SYNE1: variants seen among roughly 807,000 people sequenced by gnomAD.
SYNE1 encodes spectrin repeat containing nuclear envelope protein 1, also known as nesprin-1.
SYNE1 carries 616 observed loss-of-function variants against 1,111.0 expected under a neutral mutation model. The observed-to-expected ratio is 0.55, with a 90% confidence interval of 0.52 to 0.59. The LOEUF (loss-of-function observed/expected upper bound fraction) is 0.59. Among genes scored for constraint, SYNE1 ranks in the 20% least tolerant of loss-of-function variants. The pLI is 0.00. For synonymous variants in SYNE1, 3,855 were observed against 3,825.8 expected (o/e 1.01, Z -0.28); for missense variants, 10,006 against 10,417.0 (o/e 0.96, Z 1.72).
chr6:152,247,440 C>G (rs2087516000), intron 105 of SYNE1, among the ~76,000 whole-genome samples: 1 of 151,948 alleles, frequency 6.6e-6, no homozygotes, highest in Non-Finnish European at 1.5e-5. Context: ...AAATCCAAAG[C>G]AAGACATCAC....
chr6:152,441,049 T>C, intron 32 of SYNE1, 81 bp downstream of exon 32: 5 of 1,514,332 alleles, frequency 3.3e-6, no homozygotes, highest in East Asian at 2.3e-5. Flanking sequence ...TAACAATTAA[T>C]AGTAATAATG....
At chr6:152,492,153 T>C (rs998974237) in intron 11 of SYNE1, among the ~76,000 whole-genome samples, 1 of 152,190 alleles carries the variant, frequency 6.6e-6, no homozygotes, top group African/African-American at 2.4e-5. Context: ...CAACAACCCT[T>C]AGATGCTTTG....
At position 152,470,214 on chromosome 6, in the gene SYNE1, G is replaced by A. The variant is rs551231900; in HGVS notation, c.1632+1383C>T. Among the ~76,000 whole-genome samples the A allele has an allele frequency of 2.0e-5, 3 of 152,208 alleles. No homozygotes were observed. The South Asian group carries it at 6.2e-4, about 32-fold the overall frequency. ...AATTGTTTATTCACATATCATTTGA[G>A]AAAAAGAGAATTATTAATATCATTG... On this transcript the variant is annotated intron_variant, in intron 16 of 145. Transcript: ENST00000367255.
chr6:152,295,196 A>G (rs2094810080), intron 93 of SYNE1, among the ~76,000 whole-genome samples: 1 of 152,208 alleles, frequency 6.6e-6, no homozygotes, highest in Non-Finnish European at 1.5e-5. Flanking sequence ...CATTGGTCCA[A>G]TCTTGGGTGG....
chr6:152,390,228 T>C (rs2097586167), intron 53 of SYNE1, 52 bp downstream of exon 53: 1 of 1,604,868 alleles, frequency 6.2e-7, no homozygotes, highest in African/African-American at 1.3e-5. Flanking sequence ...CTCCATCATT[T>C]TACTAAGTCA....
In SYNE1 at chr6:152,208,288, A is replaced by G. The variant is rs930045185; in HGVS notation, c.22590-82T>C. 6 of 1,256,762 alleles carry G rather than the reference A, an allele frequency of 4.8e-6. No homozygotes were observed. The East Asian group carries it at 7.1e-5, about 15-fold the overall frequency. 77.9% of individuals were successfully genotyped at this position (1,256,762 alleles called of 1,614,324 possible). A position where few individuals can be genotyped will look rare whatever the true frequency, so the allele number is the denominator to read the frequency against. On this transcript the variant is annotated intron_variant, in intron 124 of 145. Transcript: ENST00000367255. ...CAATCAGCCAATGTATACACTGTCA[A>G]CAACCCTAAGCCCTGAGAAGTGATC...
intron 129 of SYNE1, 59 bp from the exon 130 acceptor site, chr6:152,176,619 A>C: frequency 6.6e-7 from 1 of 1,517,672 alleles, no homozygotes; most frequent in South Asian, 1.1e-5. Context: ...CATCCAGCCC[A>C]GCTCTACTAG....
At chr6:152,130,845 TA>T in intron 144 of SYNE1, 67 bp from the exon 145 acceptor site, 1 of 1,517,526 alleles carries the variant, frequency 6.6e-7, no homozygotes, top group Non-Finnish European at 9.1e-7. Flanking sequence ...GACAAGCTAC[TA>T]ATGAAAATTA....
At chr6:152,370,113 C>G (rs904178928) in intron 59 of SYNE1, among the ~76,000 whole-genome samples, 1 of 150,838 alleles carries the variant, frequency 6.6e-6, no homozygotes, top group African/African-American at 2.4e-5. Context: ...TTTTAGGGTT[C>G]TCCTTTTGAA....
intron 126 of SYNE1, among the ~76,000 whole-genome samples, chr6:152,202,781 A>T (rs927581236): frequency 6.6e-6 from 1 of 152,212 alleles, no homozygotes; most frequent in Non-Finnish European, 1.5e-5. Context: ...GATTTAAAAA[A>T]AAAAGAGGAT....
At chr6:152,361,247 A>C (rs1034637046) in intron 64 of SYNE1, among the ~76,000 whole-genome samples, 1 of 152,224 alleles carries the variant, frequency 6.6e-6, no homozygotes, top group Non-Finnish European at 1.5e-5. Context: ...GGCTGGGAGC[A>C]TGAAGGAAAG....
chr6:152,471,960 G>A, intron 15 of SYNE1, 195 bp from the exon 16 acceptor site: 1 of 628,520 alleles, frequency 1.6e-6, no homozygotes, highest in Non-Finnish European at 2.7e-6. Context: ...TGAAGTCTTC[G>A]ATTTAGTTCT....
At chr6:152,501,587 T>C (rs1240333919) in intron 10 of SYNE1, among the ~76,000 whole-genome samples, 1 of 151,912 alleles carries the variant, frequency 6.6e-6, no homozygotes, top group African/African-American at 2.4e-5. Context: ...CAGAAAACAA[T>C]AGCTGGGCAT....
intron 76 of SYNE1, chr6:152,335,908 A>G (rs972585150): frequency 3.3e-5 from 5 of 152,010 alleles, no homozygotes. Flanking sequence ...CCTGGTCTCA[A>G]ACTCCTGGCC....
rs200140440 is a variant in SYNE1, at chr6:152,331,856, C to T, written c.12829G>A (p.Ala4277Thr). Residue 4277 changes from alanine to threonine, a missense_variant, in exon 78 of 146, where the codon GCT (alanine) becomes ACT (threonine). Transcript: ENST00000367255. ...DAESTAVHLE[A>T]LKKLALALQE... ...AATGCCAATGCTAACTTTTTCAAAG[C>T]TTCCAGGTGGACAGCTGTACTCTCT... is the stretch of plus-strand genomic sequence containing the variant. 61 of 1,613,432 alleles carry T rather than the reference C, an allele frequency of 3.8e-5. No homozygotes were observed. In the East Asian group the frequency reaches 1.3e-3, roughly 35 times the overall value.
At chr6:152,493,200 C>T (rs2098980777) in intron 11 of SYNE1, among the ~76,000 whole-genome samples, 1 of 152,086 alleles carries the variant, frequency 6.6e-6, no homozygotes, top group African/African-American at 2.4e-5. Flanking sequence ...ACACCAGTAT[C>T]CCATCCCACA....
intron 61 of SYNE1, 71 bp downstream of exon 61, chr6:152,368,900 TG>T (rs2097130631): frequency 6.2e-7 from 1 of 1,607,068 alleles, no homozygotes; most frequent in African/African-American, 1.3e-5. Context: ...ATGCACACCC[TG>T]CAGAACCTGC....
At chr6:152,425,216 T>C (rs1234304723) in intron 39 of SYNE1, among the ~76,000 whole-genome samples, 165 bp downstream of exon 39, 11 of 152,212 alleles carry the variant, frequency 7.2e-5, no homozygotes. Context: ...AAATGCTCAG[T>C]TTTGTGGACC....
rs759427700 is a variant in SYNE1, at chr6:152,230,642, G to A, written c.21100C>T (p.Leu7034=). The change falls in exon 115 of 146, where the codon CTG becomes TTG. Residue 7034 remains leucine, a synonymous_variant. Coordinates refer to ENST00000367255, the MANE Select transcript of SYNE1 (RefSeq NM_182961.4). The part of the protein sequence containing the change: ...WSEYENNVQC[L]KTWFETQEKR... ...TCCTGGGTTTCAAACCATGTTTTCA[G>A]ACATTGTACATTATTTTCATATTCT... 5.6e-6 allele frequency: 9 copies of A among 1,613,874 alleles called. No homozygotes were observed. In the African/African-American group the frequency reaches 1.2e-4, roughly 22 times the overall value.
Sources: gnomAD v4.1 joint callset for allele counts (sites outside exome capture counted in the v4.1 genomes callset) on GRCh38, gnomAD v4.1.1 for gene constraint, MANE v1.5 for transcripts, NCBI Gene and HGNC (gene_info 2026-07-23, HGNC 2026-07-21) for gene names.